The following STAU2 variants were observed in gnomAD, a reference collection of about 807,000 sequenced individuals.
STAU2 encodes staufen double-stranded RNA binding protein 2.
In STAU2, 20 loss-of-function variants were observed where a neutral mutation model predicts 65.9. That is an observed-to-expected ratio of 0.30 (90% CI 0.21 to 0.44). STAU2 has a LOEUF of 0.44. Among genes scored for constraint, STAU2 ranks in the 20% least tolerant of loss-of-function variants. The pLI, the probability that STAU2 is intolerant of heterozygous loss-of-function variation, is 1.00. For missense variants in STAU2, 558 were observed against 683.9 expected (o/e 0.82, Z 2.05); for synonymous variants, 232 against 233.9 (o/e 0.99, Z 0.07).
intron 13 of STAU2, among the ~76,000 whole-genome samples, chr8:73,462,085 A>ATTTG (rs386413072): frequency 1.3e-5 from 2 of 150,914 alleles, no homozygotes; most frequent in African/African-American, 4.9e-5. Context: ...TTACTTATTT[A>ATTTG]TTTGTTTTTT....
chr8:73,473,067 C>G (rs932869594), intron 13 of STAU2, among the ~76,000 whole-genome samples: 1 of 152,082 alleles, frequency 6.6e-6, no homozygotes, highest in African/African-American at 2.4e-5. Flanking sequence ...AAGGTGCACG[C>G]CAGCATGAAG....
intron 12 of STAU2, among the ~76,000 whole-genome samples, chr8:73,565,972 C>CA (rs563573323): frequency 4.6e-5 from 7 of 151,042 alleles, no homozygotes; most frequent in African/African-American, 9.7e-5. Context: ...AGTGGTAAAG[C>CA]AAAAAAAAGA....
At chr8:73,708,596 T>C (rs192054968) in intron 4 of STAU2, among the ~76,000 whole-genome samples, 2 of 152,298 alleles carry the variant, frequency 1.3e-5, no homozygotes, top group East Asian at 3.9e-4. Flanking sequence ...GGAAAAGATG[T>C]CTCACTAGGT....
chr8:73,583,900 G>A (rs562470860), intron 11 of STAU2, among the ~76,000 whole-genome samples: 3 of 152,140 alleles, frequency 2.0e-5, no homozygotes, highest in South Asian at 2.1e-4. Context: ...TGTACAGCTG[G>A]TAACTTATCT....
rs1431878871 is a variant in STAU2 at position 73,710,376 on chromosome 8, C to T, written c.-17-1214G>A. On this transcript the variant is annotated intron_variant, in intron 3 of 14. Coordinates refer to ENST00000524300, the MANE Select transcript of STAU2 (RefSeq NM_001164380.2). Reference sequence around the variant, plus strand: ...AGTAGCTGAATTACAGGCTTCTATCCTTTTTTTTTTTTTTTTGTATTATAG... The same window carrying T: ...AGTAGCTGAATTACAGGCTTCTATCTTTTTTTTTTTTTTTTTGTATTATAG... 6.0e-5 allele frequency among the ~76,000 whole-genome samples: 8 copies of T among 133,658 alleles called. 1 individual carries two copies. Among genetic ancestry groups the T allele is most frequent in the Admixed American group, 1.5e-4 (2 of 13,386 alleles). 87.7% of individuals were successfully genotyped at this position (133,658 alleles called of 152,430 possible). A position where few individuals can be genotyped will look rare whatever the true frequency, so the allele number is the denominator to read the frequency against.
intron 5 of STAU2, among the ~76,000 whole-genome samples, chr8:73,686,403 A>T (rs1586269333): frequency 1.3e-5 from 2 of 152,148 alleles, no homozygotes; most frequent in East Asian, 3.9e-4. Flanking sequence ...ACAAAAAATT[A>T]GTCAGGCGTG....
intron 12 of STAU2, among the ~76,000 whole-genome samples, chr8:73,560,700 G>C (rs751964109): frequency 1.3e-5 from 2 of 152,110 alleles, no homozygotes; most frequent in Non-Finnish European, 2.9e-5. Flanking sequence ...ATAGCATCCA[G>C]CACACCTCCA....
At chr8:73,544,870 G>C (rs1806794688) in intron 13 of STAU2, among the ~76,000 whole-genome samples, 1 of 152,160 alleles carries the variant, frequency 6.6e-6, no homozygotes, top group Non-Finnish European at 1.5e-5. Context: ...AGGATTTGTG[G>C]CCGTGGGTTA....
intron 13 of STAU2, among the ~76,000 whole-genome samples, chr8:73,452,936 A>C (rs1336686152): frequency 6.6e-6 from 1 of 151,956 alleles, no homozygotes; most frequent in East Asian, 1.9e-4. Flanking sequence ...AAAGGTTTAG[A>C]AACAATAAAA....
At chr8:73,536,282 A>G (rs1432363787) in intron 13 of STAU2, among the ~76,000 whole-genome samples, 2 of 152,170 alleles carry the variant, frequency 1.3e-5, no homozygotes, top group African/African-American at 4.8e-5. Flanking sequence ...TTTGCTTTAC[A>G]TATCCTTGGC....
intron 12 of STAU2, among the ~76,000 whole-genome samples, chr8:73,553,567 G>A (rs545609591): frequency 1.3e-5 from 2 of 152,226 alleles, no homozygotes; most frequent in Admixed American, 6.5e-5. Flanking sequence ...CAGGATTCCT[G>A]AGTTTACTTT....
At chr8:73,623,218 T>G (rs1341217380) in intron 6 of STAU2, among the ~76,000 whole-genome samples, 1 of 152,220 alleles carries the variant, frequency 6.6e-6, no homozygotes, top group East Asian at 1.9e-4. Context: ...GTTACTTCAT[T>G]TAATGCCCTC....
intron 13 of STAU2, among the ~76,000 whole-genome samples, chr8:73,522,831 C>G (rs1372767974): frequency 2.6e-5 from 4 of 152,150 alleles, no homozygotes; most frequent in Non-Finnish European, 5.9e-5. Flanking sequence ...ATGGGAAACT[C>G]TGGCCTACAG....
At chr8:73,558,255 T>C (rs1458348519) in intron 12 of STAU2, among the ~76,000 whole-genome samples, 1 of 152,218 alleles carries the variant, frequency 6.6e-6, no homozygotes, top group Non-Finnish European at 1.5e-5. Flanking sequence ...GGATGACCCA[T>C]GTCATGATGG....
chr8:73,599,095 C>T (rs2129662985), intron 10 of STAU2, among the ~76,000 whole-genome samples: 1 of 152,268 alleles, frequency 6.6e-6, no homozygotes, highest in South Asian at 2.1e-4. Flanking sequence ...AATGAAAACT[C>T]AATCAAAATT....
Position 73,606,004 on chromosome 8 carries a change from T to C in STAU2, c.892-2141A>G, listed in dbSNP as rs79357540. ...TAGTGTTGGGACAATTGGCTATTCA[T>C]ATGTAAAAAGAAAAAGAAAAAGAAA... On this transcript the variant is annotated intron_variant, in intron 9 of 14. Coordinates refer to ENST00000524300, the MANE Select transcript of STAU2 (RefSeq NM_001164380.2). 4.4e-4 allele frequency among the ~76,000 whole-genome samples: 24 copies of C among 54,506 alleles called. No individual in the cohort carries two copies. In the East Asian group the frequency reaches 0.015, roughly 34 times the overall value. The allele number at this position is 54,506 out of a possible 152,430, so 35.8% of individuals were successfully genotyped here.
chr8:73,726,253 G>C (rs1195839216), intron 3 of STAU2, among the ~76,000 whole-genome samples: 2 of 152,118 alleles, frequency 1.3e-5, no homozygotes, highest in Non-Finnish European at 2.9e-5. Flanking sequence ...GTGTAAGAAT[G>C]ATACAATGGA....
chr8:73,737,981 G>T (rs1219568132), intron 3 of STAU2, among the ~76,000 whole-genome samples: 1 of 151,380 alleles, frequency 6.6e-6, no homozygotes, highest in African/African-American at 2.4e-5. Flanking sequence ...GCCACCTACT[G>T]AAGCTGTATC....
chr8:73,437,503 G>A (rs1027040850), intron 13 of STAU2, among the ~76,000 whole-genome samples: 1 of 152,198 alleles, frequency 6.6e-6, no homozygotes, highest in Non-Finnish European at 1.5e-5. Flanking sequence ...AAGGAACTCA[G>A]CCGTGGGGAC....
Sources: gnomAD v4.1 joint callset for allele counts (sites outside exome capture counted in the v4.1 genomes callset) on GRCh38, gnomAD v4.1.1 for gene constraint, MANE v1.5 for transcripts, NCBI Gene and HGNC (gene_info 2026-07-23, HGNC 2026-07-21) for gene names.